Variants in AXL observed in about 807,000 individuals in gnomAD.
The protein encoded by AXL is tyrosine-protein kinase receptor UFO.
A neutral mutation model predicts 104.5 loss-of-function variants in AXL; 52 were observed. The ratio of observed to expected loss-of-function variants is 0.50; its 90% CI spans 0.40 to 0.63. The LOEUF (loss-of-function observed/expected upper bound fraction) is 0.63. AXL is among the 20% of genes least tolerant of loss of function. The pLI, the probability that AXL is intolerant of heterozygous loss-of-function variation, is 0.00. For synonymous variants in AXL, 455 were observed against 473.7 expected (o/e 0.96, Z 0.51); for missense variants, 1,024 against 1,188.5 (o/e 0.86, Z 2.04).
intron 2 of AXL, 33 bp from the exon 3 acceptor site, chr19:41,221,113 T>C (rs2122196564): frequency 6.3e-7 from 1 of 1,599,752 alleles, no homozygotes; most frequent in Non-Finnish European, 8.5e-7. Flanking sequence ...GCTCTGACCC[T>C]GAACCTCTCT....
At chr19:41,252,705 C>G (rs1479363185) in intron 15 of AXL, 141 bp from the exon 16 acceptor site, 2 of 1,458,164 alleles carry the variant, frequency 1.4e-6, no homozygotes, top group East Asian at 4.7e-5. Flanking sequence ...GCAGCTTGGT[C>G]CTTGCCACTG....
chr19:41,221,640 A>G (rs1039959703), intron 3 of AXL: 1 of 548,132 alleles, frequency 1.8e-6, no homozygotes, highest in Admixed American at 3.5e-5. Flanking sequence ...GAGCTGTCAG[A>G]CATTCTGGAA....
rs1288412387 is a variant in AXL at position 41,259,861 on chromosome 19, A to T, written c.2642A>T (p.Asp881Val). The stretch of plus-strand genomic sequence containing the variant: ...ACCCCTAGCCCCGCTCAGCCTGCTG[A>T]TAGGGGCTCCCCAGCAGCCCCAGGG... ...STTPSPAQPA[D>V]RGSPAAPGQE... The change falls in exon 20 of 20, where the codon GAT becomes GTT. Residue 881 changes from aspartate (D) to valine (V), a missense_variant. Asp to Val is a radical substitution (Grantham distance 152, BLOSUM62 -3). Coordinates refer to ENST00000301178, the MANE Select transcript of AXL (RefSeq NM_021913.5). 1 of 1,605,458 alleles carries T rather than the reference A, an allele frequency of 6.2e-7. No homozygotes were observed. Among genetic ancestry groups the T allele is most frequent in the Admixed American group, 1.7e-5 (1 of 59,260 alleles).
intron 6 of AXL, among the ~76,000 whole-genome samples, chr19:41,237,648 G>T (rs1476675014): frequency 6.6e-6 from 1 of 152,164 alleles, no homozygotes; most frequent in Non-Finnish European, 1.5e-5. Context: ...AAACAATCCT[G>T]TAAGGCACTT....
At chr19:41,230,174 T>A (rs2033953268) in intron 4 of AXL, among the ~76,000 whole-genome samples, 1 of 151,912 alleles carries the variant, frequency 6.6e-6, no homozygotes, top group African/African-American at 2.4e-5. Context: ...TGTCTGTGTC[T>A]GTGTGTGAGC....
chr19:41,259,522 C>T (rs777229874), intron 19 of AXL, 31 bp from the exon 20 acceptor site: 2 of 1,551,650 alleles, frequency 1.3e-6, no homozygotes, highest in Non-Finnish European at 1.7e-6. Flanking sequence ...AGTCCCTGCT[C>T]AATCTCCCAC....
At chr19:41,221,452 T>G in intron 3 of AXL, 1 of 547,920 alleles carries the variant, frequency 1.8e-6, no homozygotes, top group Non-Finnish European at 3.2e-6. Context: ...GGCTGGGGGA[T>G]TATATGTTCT....
At chr19:41,244,372 A>T (rs2034236372) in intron 12 of AXL, among the ~76,000 whole-genome samples, 1 of 152,204 alleles carries the variant, frequency 6.6e-6, no homozygotes, top group Non-Finnish European at 1.5e-5. Flanking sequence ...TAAAAATCAC[A>T]GGCAACCCTA....
intron 14 of AXL, among the ~76,000 whole-genome samples, 196 bp downstream of exon 14, chr19:41,249,016 A>C: frequency 6.6e-6 from 1 of 152,090 alleles, no homozygotes; most frequent in Non-Finnish European, 1.5e-5. Context: ...TGAAGGAACA[A>C]CTGGGGGCAG....
In AXL at chr19:41,231,278, CT is replaced by C. The variant is rs1382425764; in HGVS notation, c.764del (p.Leu255ArgfsTer42). 2 of 1,613,560 alleles carry C rather than the reference CT, an allele frequency of 1.2e-6. No homozygotes were observed. The highest frequency in any genetic ancestry group is 1.7e-6 in the Non-Finnish European group (2 of 1,179,708). ...WTPGLSGIYPLTHCTLQAVLS... is the reference protein window; with the variant it reads ...WTPGLSGIYPXTHCTLQAVLS... Reference sequence around the variant, plus strand: ...TCCAGGCCTGAGCGGCATCTACCCCCTGACCCACTGCACCCTGCAGGTGAGA... The same window carrying C: ...TCCAGGCCTGAGCGGCATCTACCCCCGACCCACTGCACCCTGCAGGTGAGA... On this transcript the variant is annotated frameshift_variant, in exon 6 of 20. Coordinates refer to ENST00000301178, the MANE Select transcript of AXL (RefSeq NM_021913.5). LOFTEE classifies it high-confidence loss of function.
In AXL at chr19:41,243,714, G is replaced by A. The variant is rs764236546; in HGVS notation, c.1537+7G>A. ...CGGACCACTGAAGCTACCTGTAAGT[G>A]AACCCTATGCCCCACTGCCCTGGCC... On this transcript the variant is annotated splice_region_variant and intron_variant, in intron 12 of 19. Coordinates refer to ENST00000301178, the MANE Select transcript of AXL (RefSeq NM_021913.5). 6.2e-7 allele frequency: 1 copy of A among 1,611,566 alleles called. No individual in the cohort carries two copies. Among genetic ancestry groups the A allele is most frequent in the Non-Finnish European group, 8.5e-7 (1 of 1,177,684 alleles).
intron 12 of AXL, among the ~76,000 whole-genome samples, chr19:41,244,089 T>C (rs1226329125): frequency 6.6e-6 from 1 of 151,360 alleles, no homozygotes; most frequent in Admixed American, 6.6e-5. Context: ...CTGTACTCCC[T>C]GCTACTCGGG....
At chr19:41,226,135 T>C (rs2033875631) in intron 4 of AXL, among the ~76,000 whole-genome samples, 1 of 152,214 alleles carries the variant, frequency 6.6e-6, no homozygotes, top group Admixed American at 6.5e-5. Flanking sequence ...GGATCCCGGC[T>C]CTGGCTCCGC....
chr19:41,253,883 C>A (rs912938708), intron 17 of AXL, among the ~76,000 whole-genome samples, 175 bp downstream of exon 17: 5 of 151,844 alleles, frequency 3.3e-5, no homozygotes, highest in African/African-American at 1.2e-4. Flanking sequence ...GAGGTGAGTC[C>A]TGAACTGAGA....
At chr19:41,221,420 T>A in intron 3 of AXL, 174 bp downstream of exon 3, 1 of 586,438 alleles carries the variant, frequency 1.7e-6, no homozygotes. Flanking sequence ...AAGCTGGGAG[T>A]CCATATAAGT....
At chr19:41,230,492 A>G (rs1390710655) in intron 4 of AXL, among the ~76,000 whole-genome samples, 1 of 128,150 alleles carries the variant, frequency 7.8e-6, no homozygotes, top group Non-Finnish European at 1.6e-5. Flanking sequence ...TTGTGTGTGT[A>G]TGCCTGTGCC....
At chr19:41,240,380 A>G (rs1300384905) in intron 10 of AXL, among the ~76,000 whole-genome samples, 5 of 150,206 alleles carry the variant, frequency 3.3e-5, no homozygotes, top group Non-Finnish European at 5.9e-5. Context: ...AGATGGGTGG[A>G]TGGATGGATG....
At position 41,219,476 on chromosome 19, in the gene AXL, G is replaced by A. The variant is rs1336744611; in HGVS notation, c.84G>A (p.Arg28=). 2.5e-6 allele frequency: 4 copies of A among 1,603,018 alleles called. No homozygotes were observed. Among genetic ancestry groups the A allele is most frequent in the African/African-American group, 1.3e-5 (1 of 74,690 alleles). ...GCGGCTGGGCGTGCATGGCCCCCAGGGGTGAGTGATGGGGGCTCCTTGGGG... is the reference window on the plus strand; with the variant it reads ...GCGGCTGGGCGTGCATGGCCCCCAGAGGTGAGTGATGGGGGCTCCTTGGGG... The part of the protein sequence containing the change: ...ALCGWACMAP[R]GTQAEESPFV... The change falls in exon 1 of 20, where the codon AGG becomes AGA. Residue 28 remains arginine (R), a splice_region_variant and synonymous_variant. Coordinates refer to ENST00000301178, the MANE Select transcript of AXL (RefSeq NM_021913.5).
intron 4 of AXL, among the ~76,000 whole-genome samples, chr19:41,226,419 G>T (rs2033882585): frequency 1.3e-5 from 2 of 152,154 alleles, no homozygotes; most frequent in African/African-American, 2.4e-5. Flanking sequence ...CTGCGGGCGC[G>T]GGGCCTTCAG....
Sources: allele counts gnomAD v4.1 joint callset (sites outside exome capture counted in the v4.1 genomes callset), GRCh38; gene constraint gnomAD v4.1.1; transcripts MANE v1.5; gene names NCBI Gene and HGNC (gene_info 2026-07-23, HGNC 2026-07-21).